Variants in DLGAP2 observed in about 807,000 individuals in gnomAD.
DLGAP2 encodes disks large-associated protein 2.
In DLGAP2, 26 loss-of-function variants were observed where a neutral mutation model predicts 100.3. The ratio of observed to expected loss-of-function variants is 0.26; its 90% CI spans 0.19 to 0.36. DLGAP2 has a LOEUF of 0.36. Among genes scored for constraint, DLGAP2 ranks in the 10% least tolerant of loss-of-function variants. DLGAP2 has a pLI of 1.00. For missense variants in DLGAP2, 1,858 were observed against 1,453.2 expected, an observed-to-expected ratio of 1.28 and a Z score of -4.53; for synonymous variants, 886 against 630.1, an observed-to-expected ratio of 1.41 and a Z score of -6.08.
intron 3 of DLGAP2, among the ~76,000 whole-genome samples, chr8:1,413,939 C>T (rs1021569344): frequency 2.0e-5 from 3 of 152,144 alleles, no homozygotes; most frequent in Non-Finnish European, 4.4e-5. Context: ...GCTCCAAACT[C>T]ATCGTAAGCT....
chr8:1,530,271 CT>C (rs1293066607), intron 4 of DLGAP2, among the ~76,000 whole-genome samples: 1 of 152,150 alleles, frequency 6.6e-6, no homozygotes, highest in Non-Finnish European at 1.5e-5. Flanking sequence ...CACGTATTCT[CT>C]TTCCCAGGGA....
intron 3 of DLGAP2, among the ~76,000 whole-genome samples, chr8:1,291,409 T>A (rs1019739287): frequency 1.3e-5 from 2 of 152,100 alleles, no homozygotes; most frequent in East Asian, 1.9e-4. Context: ...AATTTCTACA[T>A]GTGAGAGTGA....
intron 12 of DLGAP2, among the ~76,000 whole-genome samples, 152 bp from the exon 13 acceptor site, chr8:1,691,383 G>C (rs969789411): frequency 1.3e-5 from 2 of 152,182 alleles, no homozygotes; most frequent in African/African-American, 4.8e-5. Context: ...GCACACTAAG[G>C]CACGAGTCAC....
intron 8 of DLGAP2, among the ~76,000 whole-genome samples, chr8:1,652,656 G>T (rs991309845): frequency 1.3e-5 from 2 of 152,138 alleles, no homozygotes; most frequent in Non-Finnish European, 2.9e-5. Context: ...GTACATGGAT[G>T]AATCAGTCCT....
chr8:1,001,202 T>G (rs1048056486), intron 2 of DLGAP2, among the ~76,000 whole-genome samples: 2 of 152,186 alleles, frequency 1.3e-5, no homozygotes, highest in African/African-American at 4.8e-5. Context: ...ACTGGAGAGC[T>G]TTGACTATTT....
rs144148918 is a variant in DLGAP2, at chr8:870,454, C to T, written c.19-37458C>T. Among the ~76,000 whole-genome samples, 197 of 152,276 alleles carry T rather than the reference C, an allele frequency of 1.3e-3. 1 individual carries two copies. The highest frequency in any genetic ancestry group is 4.5e-3 in the African/African-American group (189 of 41,542). On this transcript the variant is annotated intron_variant, in intron 1 of 14. Coordinates refer to ENST00000637795, the MANE Select transcript of DLGAP2 (RefSeq NM_001346810.2). ...TATGTTAGTGGGTCTGTCTCCTTGG[C>T]ACCCCGGCTTGAAAACCTGGAGAAT...
intron 1 of DLGAP2, chr8:739,934 G>T (rs564118751): frequency 2.4e-4 from 36 of 152,352 alleles, no homozygotes; most frequent in African/African-American, 8.2e-4. Context: ...TCTGTCTCGG[G>T]TCACCTGAGG....
At chr8:784,549 G>C (rs960789614) in intron 1 of DLGAP2, among the ~76,000 whole-genome samples, 5 of 152,248 alleles carry the variant, frequency 3.3e-5, no homozygotes, top group African/African-American at 1.2e-4. Flanking sequence ...GTATCAAGTT[G>C]ATATGGTGGA....
At chr8:1,165,285 T>C (rs985432009) in intron 2 of DLGAP2, among the ~76,000 whole-genome samples, 1 of 146,176 alleles carries the variant, frequency 6.8e-6, no homozygotes, top group African/African-American at 2.6e-5. Flanking sequence ...GAGACAGAGA[T>C]GGGGAGAGAG....
At chr8:1,571,457 AG>A (rs1256826816) in intron 6 of DLGAP2, among the ~76,000 whole-genome samples, 14 of 107,494 alleles carry the variant, frequency 1.3e-4, no homozygotes, top group South Asian at 3.6e-4. Flanking sequence ...GAGAGGAGAG[AG>A]GGGTGAACTG....
At chr8:1,349,205 A>C (rs558346681) in intron 3 of DLGAP2, among the ~76,000 whole-genome samples, 1 of 150,932 alleles carries the variant, frequency 6.6e-6, no homozygotes, top group Admixed American at 6.7e-5. Context: ...CGCTCACATT[A>C]AATATTAAAA....
chr8:1,614,829 C>A (rs1315669137), intron 6 of DLGAP2, among the ~76,000 whole-genome samples: 1 of 142,400 alleles, frequency 7.0e-6, no homozygotes, highest in Non-Finnish European at 1.5e-5. Flanking sequence ...AGCCCACACA[C>A]ACATGCATTG....
At chr8:1,168,241 A>G (rs1035523111) in intron 2 of DLGAP2, among the ~76,000 whole-genome samples, 4 of 151,968 alleles carry the variant, frequency 2.6e-5, no homozygotes, top group Non-Finnish European at 5.9e-5. Context: ...ATAGTATTCC[A>G]TGGTGTATAG....
At chr8:1,508,804 C>T (rs1800048634) in intron 4 of DLGAP2, among the ~76,000 whole-genome samples, 2 of 151,468 alleles carry the variant, frequency 1.3e-5, no homozygotes, top group African/African-American at 2.4e-5. Context: ...ACTAAGCGCC[C>T]GGGGAAGACG....
intron 2 of DLGAP2, among the ~76,000 whole-genome samples, chr8:1,252,804 C>G (rs1274803300): frequency 6.6e-6 from 1 of 152,216 alleles, no homozygotes; most frequent in Non-Finnish European, 1.5e-5. Context: ...TGACATGGAG[C>G]CTTTCCTGAC....
At chr8:1,261,833 C>G (rs981860261) in intron 3 of DLGAP2, among the ~76,000 whole-genome samples, 2 of 152,182 alleles carry the variant, frequency 1.3e-5, no homozygotes, top group Non-Finnish European at 2.9e-5. Flanking sequence ...TGAAATCAGC[C>G]TTTTTGTTTG....
At chr8:1,459,877 G>A (rs540794930) in intron 3 of DLGAP2, among the ~76,000 whole-genome samples, 1 of 151,888 alleles carries the variant, frequency 6.6e-6, no homozygotes, top group African/African-American at 2.4e-5. Flanking sequence ...GTAGAGACAG[G>A]GTTTCACCAT....
chr8:1,100,278 A>G (rs1158664258), intron 2 of DLGAP2, among the ~76,000 whole-genome samples: 1 of 151,510 alleles, frequency 6.6e-6, no homozygotes, highest in Admixed American at 6.6e-5. Flanking sequence ...ACCTTTGTCC[A>G]GCATGTCCAC....
chr8:1,148,988 A>G (rs1191395348), intron 2 of DLGAP2, among the ~76,000 whole-genome samples: 1 of 152,170 alleles, frequency 6.6e-6, no homozygotes, highest in Non-Finnish European at 1.5e-5. Context: ...GGATTAATTT[A>G]TGTGCTTAAT....
Sources: allele counts gnomAD v4.1 joint callset (sites outside exome capture counted in the v4.1 genomes callset), GRCh38; gene constraint gnomAD v4.1.1; transcripts MANE v1.5; gene names NCBI Gene and HGNC (gene_info 2026-07-23, HGNC 2026-07-21).